RAB27B: variants seen among roughly 807,000 people sequenced by gnomAD.
RAB27B encodes RAB27B, member RAS oncogene family, also known as ras-related protein Rab-27B.
In RAB27B, 15 loss-of-function variants were observed where a neutral mutation model predicts 24.6. That is an observed-to-expected ratio of 0.61 (90% CI 0.41 to 0.94). The LOEUF (loss-of-function observed/expected upper bound fraction) is 0.94. Ranked by LOEUF, RAB27B falls within the 40% of genes least tolerant of loss-of-function variation. The probability of loss-of-function intolerance (pLI) is 0.00; values close to 1 mark genes in which losing one functional copy is unlikely to be tolerated. For missense variants in RAB27B, 261 were observed against 266.8 expected (o/e 0.98, Z 0.15); for synonymous variants, 105 against 92.5 (o/e 1.14, Z -0.78).
At chr18:54,726,552 C>A (rs1366743663) in intron 2 of RAB27B, among the ~76,000 whole-genome samples, 1 of 151,370 alleles carries the variant, frequency 6.6e-6, no homozygotes, top group Non-Finnish European at 1.5e-5. Context: ...ACAAAAAAAG[C>A]CCTGTTAGGA....
chr18:54,893,003 G>A lies in RAB27B; in HGVS notation c.*3590G>A, dbSNP rs1238862352. ...TGATGTTCTTTAAGCTGCAAATTGA[G>A]TACACTGGGAATCAACAAATTTGAT... is the stretch of plus-strand genomic sequence containing the variant. On this transcript the variant is annotated 3_prime_UTR_variant, in exon 6 of 6. Coordinates refer to ENST00000262094, the MANE Select transcript of RAB27B (RefSeq NM_004163.4). 6.6e-6 allele frequency: 1 copy of A among 152,018 alleles called. No homozygotes were observed. Among genetic ancestry groups the A allele is most frequent in the African/African-American group, 2.4e-5 (1 of 41,416 alleles). The allele number at this position is 152,018 out of a possible 1,614,324, so 9.4% of individuals were successfully genotyped here. A position where few individuals can be genotyped will look rare whatever the true frequency, so the allele number is the denominator to read the frequency against.
chr18:54,788,508 G>A (rs1030730134), intron 2 of RAB27B, among the ~76,000 whole-genome samples: 2 of 152,086 alleles, frequency 1.3e-5, no homozygotes, highest in Non-Finnish European at 2.9e-5. Flanking sequence ...TCACCATGTT[G>A]GCCATGTTGG....
At chr18:54,831,391 T>A (rs1244442138) in intron 1 of RAB27B, among the ~76,000 whole-genome samples, 1 of 151,924 alleles carries the variant, frequency 6.6e-6, no homozygotes. Flanking sequence ...GAGGAGATAA[T>A]GGGGACAGGT....
intron 2 of RAB27B, among the ~76,000 whole-genome samples, chr18:54,786,100 C>T (rs1909075720): frequency 6.6e-6 from 1 of 150,738 alleles, no homozygotes; most frequent in Non-Finnish European, 1.5e-5. Context: ...ACTCTTCATC[C>T]TCTATTTCAT....
At chr18:54,745,833 A>T (rs142401903) in intron 2 of RAB27B, among the ~76,000 whole-genome samples, 6,331 of 146,140 alleles carry the variant, frequency 0.043, 191 homozygotes, top group Admixed American at 0.078. Context: ...TATATTTATT[A>T]TATTATATAT....
At position 54,893,797 on chromosome 18, in the gene RAB27B, A is replaced by G. The variant is rs934373006; in HGVS notation, c.*4384A>G. ...TCATGCCAGAACTATAAAGATAATT[A>G]GAGTTAAAAGTTGTTTAAATTGTGC... On this transcript the variant is annotated 3_prime_UTR_variant, in exon 6 of 6. Coordinates refer to ENST00000262094, the MANE Select transcript of RAB27B (RefSeq NM_004163.4). The G allele has an allele frequency of 6.6e-6, 1 of 152,004 alleles. No individual in the cohort carries two copies. The highest frequency in any genetic ancestry group is 2.4e-5 in the African/African-American group (1 of 41,436). The allele number at this position is 152,004 out of a possible 1,614,324, so 9.4% of individuals were successfully genotyped here.
intron 2 of RAB27B, among the ~76,000 whole-genome samples, chr18:54,818,891 G>T (rs897237666): frequency 6.6e-6 from 1 of 151,910 alleles, no homozygotes; most frequent in Non-Finnish European, 1.5e-5. Context: ...CCAAAAATAT[G>T]ACTATAAAAA....
intron 2 of RAB27B, among the ~76,000 whole-genome samples, chr18:54,815,076 G>A (rs1910081076): frequency 6.6e-6 from 1 of 152,070 alleles, no homozygotes. Context: ...CTGTGTATCT[G>A]TTTATGTGCC....
At chr18:54,747,685 C>A (rs1910296931) in intron 2 of RAB27B, among the ~76,000 whole-genome samples, 1 of 152,158 alleles carries the variant, frequency 6.6e-6, no homozygotes, top group South Asian at 2.1e-4. Flanking sequence ...CTTTGCCTAC[C>A]AAATAATTAT....
rs562651113 is a variant in RAB27B at position 54,893,060 on chromosome 18, A to C, written c.*3647A>C. 1 of 152,216 alleles carries C rather than the reference A, an allele frequency of 6.6e-6. No individual in the cohort carries two copies. Among genetic ancestry groups the C allele is most frequent in the African/African-American group, 2.4e-5 (1 of 41,578 alleles). The allele number at this position is 152,216 out of a possible 1,614,324, so 9.4% of individuals were successfully genotyped here. ...TGTCTGTCTCTTCACCAGTGGAGTG[A>C]GTGCAGCAGTTAGAAAGAGAAGCAA... On this transcript the variant is annotated 3_prime_UTR_variant, in exon 6 of 6. Coordinates refer to ENST00000262094, the MANE Select transcript of RAB27B (RefSeq NM_004163.4).
intron 1 of RAB27B, among the ~76,000 whole-genome samples, chr18:54,840,417 C>T (rs1303237850): frequency 2.6e-5 from 4 of 152,100 alleles, no homozygotes; most frequent in Admixed American, 6.5e-5. Flanking sequence ...TGCTTGTTTA[C>T]ATGTAACAAA....
chr18:54,842,998 G>A (rs1387812857), intron 1 of RAB27B, among the ~76,000 whole-genome samples: 5 of 152,194 alleles, frequency 3.3e-5, no homozygotes, highest in Admixed American at 1.3e-4. Flanking sequence ...GTGTTTCACC[G>A]TGTTAGCCAG....
chr18:54,734,907 A>G (rs1909842824), intron 2 of RAB27B, among the ~76,000 whole-genome samples: 1 of 152,208 alleles, frequency 6.6e-6, no homozygotes, highest in Admixed American at 6.5e-5. Flanking sequence ...TAATTTTGAA[A>G]TTATGAATCT....
At chr18:54,871,620 G>C (rs1912467071) in intron 1 of RAB27B, among the ~76,000 whole-genome samples, 1 of 152,066 alleles carries the variant, frequency 6.6e-6, no homozygotes, top group South Asian at 2.1e-4. Flanking sequence ...AATTGCTGAG[G>C]CGGGAGGATC....
At chr18:54,812,961 A>G (rs1224515282) in intron 2 of RAB27B, among the ~76,000 whole-genome samples, 3 of 152,124 alleles carry the variant, frequency 2.0e-5, no homozygotes, top group Non-Finnish European at 4.4e-5. Context: ...AAAGAAGCAT[A>G]GATTCTCTCT....
chr18:54,754,501 G>A (rs1907941727), intron 2 of RAB27B, among the ~76,000 whole-genome samples: 1 of 152,200 alleles, frequency 6.6e-6, no homozygotes, highest in East Asian at 1.9e-4. Flanking sequence ...AAATTGCAAA[G>A]TACAGTGAGA....
At chr18:54,837,762 G>A (rs1431476417) in intron 1 of RAB27B, among the ~76,000 whole-genome samples, 6 of 152,030 alleles carry the variant, frequency 3.9e-5, no homozygotes, top group South Asian at 4.2e-4. Context: ...GAAAATTTAA[G>A]GTTATATATC....
intron 2 of RAB27B, among the ~76,000 whole-genome samples, chr18:54,795,201 G>C (rs574760927): frequency 1.3e-5 from 2 of 152,314 alleles, no homozygotes; most frequent in South Asian, 4.2e-4. Flanking sequence ...AGTATAGCTT[G>C]AGCCCCCCCA....
chr18:54,824,629 G>A (rs1448879555), upstream of RAB27B, among the ~76,000 whole-genome samples: 2 of 152,130 alleles, frequency 1.3e-5, no homozygotes, highest in Non-Finnish European at 1.5e-5. Flanking sequence ...CCCTGGAAGC[G>A]ATGTACATGA....
Sources: gnomAD v4.1 joint callset for allele counts (sites outside exome capture counted in the v4.1 genomes callset) on GRCh38, gnomAD v4.1.1 for gene constraint, MANE v1.5 for transcripts, NCBI Gene and HGNC (gene_info 2026-07-23, HGNC 2026-07-21) for gene names.